Variants in GABBR2 observed in about 807,000 individuals in gnomAD.
The protein encoded by GABBR2 is gamma-aminobutyric acid type B receptor subunit 2, also known as G-protein coupled receptor 51.
A neutral mutation model predicts 105.6 loss-of-function variants in GABBR2; 23 were observed. The ratio of observed to expected loss-of-function variants is 0.22; its 90% CI spans 0.16 to 0.31. The LOEUF is 0.31. GABBR2 is among the 10% of genes least tolerant of loss of function. The pLI is 1.00. For missense variants in GABBR2, 734 were observed against 1,245.5 expected (o/e 0.59, Z 6.18); for synonymous variants, 478 against 499.7 (o/e 0.96, Z 0.58).
chr9:98,411,406 A>G (rs1832588675), intron 7 of GABBR2, among the ~76,000 whole-genome samples: 1 of 152,226 alleles, frequency 6.6e-6, no homozygotes, highest in Non-Finnish European at 1.5e-5. Flanking sequence ...TTCTACTTGA[A>G]AAATAGTAAG....
At chr9:98,695,025 C>T (rs1830730966) in intron 1 of GABBR2, among the ~76,000 whole-genome samples, 1 of 152,242 alleles carries the variant, frequency 6.6e-6, no homozygotes, top group South Asian at 2.1e-4. Context: ...GCCTTCAAAT[C>T]CAGTGTTCAA....
intron 3 of GABBR2, among the ~76,000 whole-genome samples, chr9:98,509,516 CT>C: frequency 6.6e-6 from 1 of 152,098 alleles, no homozygotes; most frequent in Middle Eastern, 3.4e-3. Flanking sequence ...AAGTTAAAAG[CT>C]TTGAAAAAAA....
chr9:98,586,572 T>C (rs910426404), intron 1 of GABBR2, among the ~76,000 whole-genome samples: 1 of 152,256 alleles, frequency 6.6e-6, no homozygotes, highest in Admixed American at 6.5e-5. Flanking sequence ...AGTGCTGGGA[T>C]TATAGAAGTG....
intron 4 of GABBR2, among the ~76,000 whole-genome samples, chr9:98,486,226 G>A (rs1216604779): frequency 6.6e-6 from 1 of 152,232 alleles, no homozygotes; most frequent in East Asian, 1.9e-4. Flanking sequence ...GAGCCTGAGT[G>A]CTTGACTCCT....
intron 17 of GABBR2, among the ~76,000 whole-genome samples, chr9:98,297,337 A>G (rs1366177775): frequency 2.6e-5 from 4 of 152,326 alleles, no homozygotes; most frequent in African/African-American, 7.2e-5. Flanking sequence ...AAGGCCAGGC[A>G]TGGTGGCTTA....
At chr9:98,640,764 G>C (rs1829949241) in intron 1 of GABBR2, among the ~76,000 whole-genome samples, 1 of 152,172 alleles carries the variant, frequency 6.6e-6, no homozygotes, top group Non-Finnish European at 1.5e-5. Flanking sequence ...GTGGGCAGTA[G>C]TCAGGCTCTG....
At chr9:98,293,420 C>T (rs1170241469) in intron 18 of GABBR2, among the ~76,000 whole-genome samples, 1 of 152,186 alleles carries the variant, frequency 6.6e-6, no homozygotes, top group East Asian at 1.9e-4. Context: ...GTAACCCTAG[C>T]ACCTATGCCT....
intron 1 of GABBR2, among the ~76,000 whole-genome samples, chr9:98,657,262 T>A (rs1830195952): frequency 6.6e-6 from 1 of 152,236 alleles, no homozygotes. Flanking sequence ...GTGTTGTTTT[T>A]CTTATGGTAA....
chr9:98,598,002 T>C (rs1829262458), intron 1 of GABBR2, among the ~76,000 whole-genome samples: 1 of 152,000 alleles, frequency 6.6e-6, no homozygotes, highest in Admixed American at 6.5e-5. Flanking sequence ...TTTGTATTTT[T>C]AATAGAGATG....
chr9:98,535,013 C>A (rs954310290), intron 3 of GABBR2, among the ~76,000 whole-genome samples: 2 of 152,292 alleles, frequency 1.3e-5, no homozygotes, highest in Non-Finnish European at 2.9e-5. Context: ...AACTGTGGTA[C>A]ATCCTGACAA....
chr9:98,537,061 AAC>A (rs2131734693), intron 3 of GABBR2, among the ~76,000 whole-genome samples: 1 of 152,258 alleles, frequency 6.6e-6, no homozygotes, highest in East Asian at 1.9e-4. Flanking sequence ...GTGAGTTCTC[AAC>A]GCTGGCGACA....
rs368500983 is a variant in GABBR2, at chr9:98,699,004, T to C, written c.321+9413A>G. ...TTCCAGGGAACATATTTTCTCACTA[T>C]GCCCAGATCTGCACTGGACCACCTG... On this transcript the variant is annotated intron_variant, in intron 1 of 18. Coordinates refer to ENST00000259455, the MANE Select transcript of GABBR2 (RefSeq NM_005458.8). Among the ~76,000 whole-genome samples, 15 of 152,272 alleles carry C rather than the reference T, an allele frequency of 9.9e-5. No homozygotes were observed. The South Asian group carries it at 1.9e-3, about 19-fold the overall frequency.
chr9:98,598,339 G>C (rs920174344), intron 1 of GABBR2, among the ~76,000 whole-genome samples: 2 of 152,150 alleles, frequency 1.3e-5, no homozygotes, highest in Admixed American at 1.3e-4. Flanking sequence ...TAGAAAGTAT[G>C]AGATTCATAC....
chr9:98,503,050 A>T (rs11788445), intron 3 of GABBR2, among the ~76,000 whole-genome samples: 18,218 of 152,230 alleles, frequency 0.12, 1,784 homozygotes, highest in East Asian at 0.51. Context: ...GGCAAGAGGC[A>T]TTCATCAGCT....
At chr9:98,639,805 T>G (rs1283646319) in intron 1 of GABBR2, among the ~76,000 whole-genome samples, 3 of 151,924 alleles carry the variant, frequency 2.0e-5, no homozygotes, top group African/African-American at 7.3e-5. Context: ...GGTGGTCTCA[T>G]TAAAAATAGC....
In GABBR2 at chr9:98,551,166, G is replaced by A. The variant is rs1363756341; in HGVS notation, c.460-9123C>T. Among the ~76,000 whole-genome samples the A allele has an allele frequency of 2.6e-5, 4 of 152,252 alleles. No homozygotes were observed. In the East Asian group the frequency reaches 7.7e-4, roughly 29 times the overall value. ...GCCTGTAATCCCAGCACTTTGGGAG[G>A]CCGAGGTGCGTAGATCACTTGAGGT... On this transcript the variant is annotated intron_variant, in intron 2 of 18. Coordinates refer to ENST00000259455, the MANE Select transcript of GABBR2 (RefSeq NM_005458.8).
At chr9:98,587,836 C>A (rs1396963538) in intron 1 of GABBR2, among the ~76,000 whole-genome samples, 1 of 152,140 alleles carries the variant, frequency 6.6e-6, no homozygotes, top group African/African-American at 2.4e-5. Flanking sequence ...TAATGGTGAG[C>A]AATTCCTTCT....
At chr9:98,525,741 A>C (rs1827943824) in intron 3 of GABBR2, among the ~76,000 whole-genome samples, 1 of 152,242 alleles carries the variant, frequency 6.6e-6, no homozygotes, top group Admixed American at 6.5e-5. Context: ...ATTATTCATA[A>C]TAGTCAAAAG....
intron 1 of GABBR2, among the ~76,000 whole-genome samples, chr9:98,613,352 A>C (rs116350391): frequency 6.6e-6 from 1 of 152,138 alleles, no homozygotes; most frequent in East Asian, 1.9e-4. Context: ...AGGCACAAGA[A>C]TCGCGTGAGC....
Sources: gnomAD v4.1 joint callset for allele counts (sites outside exome capture counted in the v4.1 genomes callset) on GRCh38, gnomAD v4.1.1 for gene constraint, MANE v1.5 for transcripts, NCBI Gene and HGNC (gene_info 2026-07-23, HGNC 2026-07-21) for gene names.